Variants in MCM9 observed in about 807,000 individuals in gnomAD.
MCM9 encodes the protein DNA helicase MCM9.
A neutral mutation model predicts 72.8 loss-of-function variants in MCM9; 55 were observed. The observed-to-expected ratio is 0.76, with a 90% CI of 0.61 to 0.95. MCM9 has a LOEUF of 0.95. MCM9 is among the 40% of genes least tolerant of loss of function. The pLI is 0.00. For synonymous variants in MCM9, 480 were observed against 503.4 expected (o/e 0.95, Z 0.62); for missense variants, 1,279 against 1,377.0 (o/e 0.93, Z 1.13).
At chr6:118,934,300 T>C (rs1291422847) in intron 1 of MCM9, 3 of 151,438 alleles carry the variant, frequency 2.0e-5, no homozygotes, top group Non-Finnish European at 4.4e-5. Context: ...GAGGGACTTT[T>C]TGTTTTGAGA....
Position 118,856,352 on chromosome 6 carries a change from A to G in MCM9, c.1325+19T>C. 3 of 1,524,018 alleles carry G rather than the reference A, an allele frequency of 2.0e-6. No individual in the cohort carries two copies. Among genetic ancestry groups the G allele is most frequent in the Non-Finnish European group, 2.6e-6 (3 of 1,142,772 alleles). 94.4% of individuals were successfully genotyped at this position (1,524,018 alleles called of 1,614,324 possible). ...TTAAATAATCTCATTATTCCCATAG[A>G]TTTTAAAGAAACTCTTACCCAGCCT... On this transcript the variant is annotated intron_variant, in intron 9 of 13. Coordinates refer to ENST00000619706, the MANE Select transcript of MCM9 (RefSeq NM_017696.3).
intron 8 of MCM9, among the ~76,000 whole-genome samples, chr6:118,891,172 A>C (rs2114452936): frequency 6.6e-6 from 1 of 152,310 alleles, no homozygotes; most frequent in Non-Finnish European, 1.5e-5. Context: ...TTCAGAATTC[A>C]AGCTATATGC....
At chr6:118,895,440 TATAA>T (rs758349921) in intron 8 of MCM9, among the ~76,000 whole-genome samples, 26 of 152,336 alleles carry the variant, frequency 1.7e-4, no homozygotes, top group Non-Finnish European at 2.5e-4. Context: ...ATCTCTGCCT[TATAA>T]ATAGTCTGAA....
At chr6:118,837,459 A>G (rs1418682062) in intron 9 of MCM9, among the ~76,000 whole-genome samples, 1 of 152,156 alleles carries the variant, frequency 6.6e-6, no homozygotes, top group Non-Finnish European at 1.5e-5. Context: ...TCTAATATTG[A>G]CAGTGGGGTG....
In MCM9 at chr6:118,829,331, G is replaced by C. The variant is rs1379230510; in HGVS notation, c.1326-81C>G. 5.5e-5 allele frequency: 72 copies of C among 1,297,880 alleles called. 1 individual carries two copies. In the South Asian group the frequency reaches 1.1e-3, roughly 20 times the overall value. The allele number at this position is 1,297,880 out of a possible 1,614,324, so 80.4% of individuals were successfully genotyped here. A position where few individuals can be genotyped will look rare whatever the true frequency, so the allele number is the denominator to read the frequency against. On this transcript the variant is annotated intron_variant, in intron 9 of 13. Coordinates refer to ENST00000619706, the MANE Select transcript of MCM9 (RefSeq NM_017696.3). Reference sequence around the variant, plus strand: ...TTACAGCTGTTAATAAAATGGGGCTGCTCTTGCACCTTGAAAATCTACGAA... The same window carrying C: ...TTACAGCTGTTAATAAAATGGGGCTCCTCTTGCACCTTGAAAATCTACGAA...
chr6:118,917,815 G>C, intron 5 of MCM9, 54 bp from the exon 6 acceptor site: 1 of 1,448,404 alleles, frequency 6.9e-7, no homozygotes, highest in Non-Finnish European at 9.7e-7. Flanking sequence ...GCTGAGCACA[G>C]ACTCAAAATG....
chr6:118,830,822 A>G (rs370017064), intron 9 of MCM9, among the ~76,000 whole-genome samples: 1 of 152,214 alleles, frequency 6.6e-6, no homozygotes, highest in African/African-American at 2.4e-5. Flanking sequence ...GAGAATCCAA[A>G]AAGGTACATA....
At chr6:118,850,717 T>A (rs1776161331) in intron 9 of MCM9, among the ~76,000 whole-genome samples, 1 of 151,860 alleles carries the variant, frequency 6.6e-6, no homozygotes, top group Non-Finnish European at 1.5e-5. Flanking sequence ...AAGCATCTGC[T>A]CCGCCTGGGG....
intron 9 of MCM9, among the ~76,000 whole-genome samples, chr6:118,839,657 T>C (rs1369236150): frequency 6.6e-6 from 1 of 152,196 alleles, no homozygotes; most frequent in Non-Finnish European, 1.5e-5. Context: ...TTCTGTTTGT[T>C]ATCTCTCCTT....
At chr6:118,837,004 G>T (rs949072281) in intron 9 of MCM9, among the ~76,000 whole-genome samples, 3 of 152,278 alleles carry the variant, frequency 2.0e-5, no homozygotes, top group African/African-American at 7.2e-5. Context: ...TCTGATGTGG[G>T]CATTTAGTGC....
chr6:118,864,667 C>A (rs1026833527), intron 8 of MCM9, among the ~76,000 whole-genome samples: 2 of 152,160 alleles, frequency 1.3e-5, no homozygotes, highest in Non-Finnish European at 1.5e-5. Flanking sequence ...CAAGCTTCTT[C>A]CTGTGGAGAA....
intron 9 of MCM9, among the ~76,000 whole-genome samples, chr6:118,842,970 T>C (rs1775488211): frequency 6.6e-6 from 1 of 152,212 alleles, no homozygotes; most frequent in Non-Finnish European, 1.5e-5. Context: ...AACAACAAAA[T>C]TATTGGTCTT....
chr6:118,901,282 T>C (rs1006953324), intron 8 of MCM9, among the ~76,000 whole-genome samples: 7 of 152,222 alleles, frequency 4.6e-5, no homozygotes, highest in Admixed American at 3.3e-4. Flanking sequence ...AATATGCATC[T>C]TCAGTTTATG....
intron 9 of MCM9, among the ~76,000 whole-genome samples, chr6:118,848,984 T>A (rs554605300): frequency 1.3e-5 from 2 of 151,498 alleles, no homozygotes; most frequent in Admixed American, 1.3e-4. Flanking sequence ...TTTAAAAAAA[T>A]AAAACCGTTG....
chr6:118,853,713 G>A (rs1271651951), intron 9 of MCM9, among the ~76,000 whole-genome samples: 3 of 152,152 alleles, frequency 2.0e-5, no homozygotes, highest in Non-Finnish European at 4.4e-5. Context: ...GTGGGTGAAT[G>A]GCTTGAGCCC....
At chr6:118,856,771 C>T (rs1776580280) in intron 8 of MCM9, among the ~76,000 whole-genome samples, 1 of 152,084 alleles carries the variant, frequency 6.6e-6, no homozygotes, top group Non-Finnish European at 1.5e-5. Context: ...ATTTCAGCTA[C>T]TCAGAAGGCT....
chr6:118,871,382 A>C (rs1196623989), intron 8 of MCM9, among the ~76,000 whole-genome samples: 1 of 152,226 alleles, frequency 6.6e-6, no homozygotes, highest in African/African-American at 2.4e-5. Context: ...AAAACCATAA[A>C]ATCATTTCAA....
chr6:118,830,171 G>A (rs1774448993), intron 9 of MCM9, among the ~76,000 whole-genome samples: 3 of 152,118 alleles, frequency 2.0e-5, no homozygotes. Flanking sequence ...ATATTCATTG[G>A]CAATAACAAA....
intron 8 of MCM9, among the ~76,000 whole-genome samples, chr6:118,879,408 A>T (rs558228031): frequency 1.3e-5 from 2 of 152,240 alleles, no homozygotes; most frequent in Non-Finnish European, 2.9e-5. Context: ...TATCAGTCAA[A>T]ATATCTGAAT....
Sources: gnomAD v4.1 joint callset for allele counts (sites outside exome capture counted in the v4.1 genomes callset) on GRCh38, gnomAD v4.1.1 for gene constraint, MANE v1.5 for transcripts, NCBI Gene and HGNC (gene_info 2026-07-23, HGNC 2026-07-21) for gene names.